The following FANCB variants were observed in gnomAD, a reference collection of about 807,000 sequenced individuals.
The protein encoded by FANCB is Fanconi anemia group B protein.
FANCB carries 5 observed loss-of-function variants against 38.9 expected under a neutral mutation model. The observed-to-expected ratio is 0.13, with a 90% CI of 0.07 to 0.27. The LOEUF (loss-of-function observed/expected upper bound fraction) is 0.27. FANCB is among the 10% of genes least tolerant of loss of function. The pLI is 1.00. For missense variants in FANCB, 573 were observed against 602.7 expected (o/e 0.95, Z 0.52); for synonymous variants, 236 against 215.4 (o/e 1.10, Z -0.84).
the FANCB span, among the ~76,000 whole-genome samples, chrX:14,732,095 TC>T: frequency 3.6e-5 from 4 of 110,282 alleles, no homozygotes; most frequent in Admixed American, 2.9e-4. Flanking sequence ...CCATGTGTTC[TC>T]ATTGTTCGAC....
chrX:14,803,741 G>C, the FANCB span, among the ~76,000 whole-genome samples: 8 of 110,613 alleles, frequency 7.2e-5, no homozygotes, highest in Non-Finnish European at 1.3e-4. Context: ...GCATCACGTA[G>C]ACATCAGAAA....
At chrX:14,798,135 G>GT in the FANCB span, among the ~76,000 whole-genome samples, 100 of 102,849 alleles carry the variant, frequency 9.7e-4, no homozygotes, top group South Asian at 6.3e-3. Context: ...TTTTGTTTTT[G>GT]TTTTTTTTTT....
chrX:14,775,160 G>GT, the FANCB span, among the ~76,000 whole-genome samples: 395 of 34,995 alleles, frequency 0.011, 46 homozygotes, highest in Middle Eastern at 0.03. Flanking sequence ...TTTCTCTAAT[G>GT]TTTTTTTTTT....
At chrX:14,866,967 AAAC>A (rs1242718363) in intron 2 of FANCB, among the ~76,000 whole-genome samples, 1 of 112,055 alleles carries the variant, frequency 8.9e-6, no homozygotes, top group Non-Finnish European at 1.9e-5. Flanking sequence ...GAAATCAAGA[AAAC>A]AATTCCATTT....
intron 5 of FANCB, among the ~76,000 whole-genome samples, chrX:14,855,601 T>C (rs972337699): frequency 7.1e-5 from 8 of 112,464 alleles, no homozygotes; most frequent in Non-Finnish European, 1.3e-4. Context: ...AAGTCATCTA[T>C]TGAGTTTTTT....
chrX:14,776,052 A>G, the FANCB span, among the ~76,000 whole-genome samples: 2 of 102,199 alleles, frequency 2.0e-5, no homozygotes. Context: ...CCTGATGGAA[A>G]GAAAAATTCG....
chrX:14,792,341 G>A, the FANCB span, among the ~76,000 whole-genome samples: 106 of 110,664 alleles, frequency 9.6e-4, no homozygotes, highest in African/African-American at 2.7e-3. Flanking sequence ...CTCCATTGAC[G>A]CCTTTCTCAT....
the FANCB span, among the ~76,000 whole-genome samples, chrX:14,810,416 GA>G: frequency 9.0e-6 from 1 of 111,694 alleles, no homozygotes; most frequent in Non-Finnish European, 1.9e-5. Flanking sequence ...TAAAAACTTT[GA>G]AAAAAATTTA....
At chrX:14,730,180 G>A in the FANCB span, 1 of 1,153,670 alleles carries the variant, frequency 8.7e-7, no homozygotes, top group African/African-American at 1.8e-5. Flanking sequence ...CAACCAATCT[G>A]TGCTTCCTCT....
At chrX:14,756,881 A>T in the FANCB span, among the ~76,000 whole-genome samples, 1 of 112,211 alleles carries the variant, frequency 8.9e-6, no homozygotes, top group Non-Finnish European at 1.9e-5. Context: ...TGTCATAGTG[A>T]TGGTCTCAAG....
chrX:14,710,677 G>A, the FANCB span, among the ~76,000 whole-genome samples: 1 of 111,755 alleles, frequency 8.9e-6, no homozygotes. Flanking sequence ...GATTATATTA[G>A]AACAGGGTTT....
chrX:14,813,586 G>C, the FANCB span, among the ~76,000 whole-genome samples: 1 of 111,337 alleles, frequency 9.0e-6, no homozygotes. Context: ...TTGCTACAAA[G>C]AGAATAAAAC....
the FANCB span, among the ~76,000 whole-genome samples, chrX:14,762,755 A>T: frequency 8.9e-6 from 1 of 112,282 alleles, no homozygotes; most frequent in East Asian, 2.8e-4. Flanking sequence ...CACCAGACTC[A>T]ATAAACCTTT....
chrX:14,823,476 C>CA, the FANCB span, among the ~76,000 whole-genome samples: 2 of 111,882 alleles, frequency 1.8e-5, no homozygotes, highest in African/African-American at 6.5e-5. Flanking sequence ...ATAAAACCAA[C>CA]AAATTGTTTC....
chrX:14,721,882 A>C, the FANCB span, among the ~76,000 whole-genome samples: 1 of 111,126 alleles, frequency 9.0e-6, no homozygotes, highest in Non-Finnish European at 1.9e-5. Flanking sequence ...AGGTTTATTA[A>C]GTATATTTTC....
chrX:14,789,144 AG>A, the FANCB span, among the ~76,000 whole-genome samples: 1 of 111,581 alleles, frequency 9.0e-6, no homozygotes, highest in Non-Finnish European at 1.9e-5. Context: ...TGAAAATTAG[AG>A]GGGGTAAGGA....
chrX:14,814,513 T>C, the FANCB span, among the ~76,000 whole-genome samples: 3 of 111,878 alleles, frequency 2.7e-5, no homozygotes, highest in African/African-American at 9.8e-5. Context: ...GGGCAAAGGA[T>C]ATGAACAGAC....
chrX:14,730,596 G>C, the FANCB span: 1 of 116,959 alleles, frequency 8.5e-6, no homozygotes, highest in African/African-American at 4.2e-5. Flanking sequence ...GGAGGGGGGA[G>C]GGAGGGTCAT....
At chrX:14,840,064 A>T (rs1356391091), downstream of FANCB, among the ~76,000 whole-genome samples, 1 of 111,886 alleles carries the variant, frequency 8.9e-6, no homozygotes, top group South Asian at 3.7e-4. Context: ...CATGTTGGCC[A>T]GGCTGGTCTC....
Sources: gnomAD v4.1 joint callset for allele counts (sites outside exome capture counted in the v4.1 genomes callset) on GRCh38, gnomAD v4.1.1 for gene constraint, MANE v1.5 for transcripts, NCBI Gene and HGNC (gene_info 2026-07-23, HGNC 2026-07-21) for gene names.